The following SEMA5A variants were observed in gnomAD, a reference collection of about 807,000 sequenced individuals.
SEMA5A encodes the protein semaphorin 5A.
Under a neutral mutation model 135.5 loss-of-function variants are expected in SEMA5A, and 55 were observed. The observed-to-expected ratio is 0.41, with a 90% CI of 0.33 to 0.51. SEMA5A has a LOEUF of 0.51. SEMA5A is among the 20% of genes least tolerant of loss of function. The pLI, the probability that SEMA5A is intolerant of heterozygous loss-of-function variation, is 0.37. For missense variants in SEMA5A, 1,290 were observed against 1,419.9 expected (o/e 0.91, Z 1.47); for synonymous variants, 580 against 546.5 (o/e 1.06, Z -0.85).
At chr5:9,238,775 A>G (rs948288037) in intron 5 of SEMA5A, among the ~76,000 whole-genome samples, 1 of 151,430 alleles carries the variant, frequency 6.6e-6, no homozygotes, top group Non-Finnish European at 1.5e-5. Context: ...CATTCTCCAT[A>G]CCTGTTATCA....
At chr5:9,176,798 T>C (rs752032752) in intron 11 of SEMA5A, among the ~76,000 whole-genome samples, 5 of 152,200 alleles carry the variant, frequency 3.3e-5, no homozygotes, top group Non-Finnish European at 7.3e-5. Flanking sequence ...AGAAGTGGCC[T>C]AGCCTGTAGC....
intron 3 of SEMA5A, among the ~76,000 whole-genome samples, chr5:9,370,233 A>G (rs1169815628): frequency 6.6e-6 from 1 of 152,246 alleles, no homozygotes; most frequent in Non-Finnish European, 1.5e-5. Context: ...GAGAGCTGCC[A>G]TGAGCACTCT....
At chr5:9,154,816 A>T in intron 11 of SEMA5A, 121 bp from the exon 12 acceptor site, 2 of 849,794 alleles carry the variant, frequency 2.4e-6, no homozygotes, top group Non-Finnish European at 3.8e-6. Context: ...CCATCTGAGC[A>T]TCCTTCAAAA....
Position 9,398,486 on chromosome 5 carries a change from T to C in SEMA5A, c.-77-18463A>G, listed in dbSNP as rs529894740. Among the ~76,000 whole-genome samples, 4 of 152,316 alleles carry C rather than the reference T, an allele frequency of 2.6e-5. No individual in the cohort carries two copies. The South Asian group carries it at 8.3e-4, about 32-fold the overall frequency. The stretch of plus-strand genomic sequence containing the variant: ...AGTGGTTAATGGTGATTCTCACAGA[T>C]TGGAACAGAAAAGGTTATAGCAAGG... On this transcript the variant is annotated intron_variant, in intron 2 of 22. Transcript: ENST00000382496.
intron 1 of SEMA5A, among the ~76,000 whole-genome samples, chr5:9,487,367 G>C (rs919562805): frequency 1.3e-5 from 2 of 152,164 alleles, no homozygotes; most frequent in African/African-American, 4.8e-5. Flanking sequence ...GAAGGCCAGG[G>C]AGTTAAAACC....
At chr5:9,132,926 A>G (rs1365468265) in intron 13 of SEMA5A, among the ~76,000 whole-genome samples, 1 of 152,216 alleles carries the variant, frequency 6.6e-6, no homozygotes, top group African/African-American at 2.4e-5. Flanking sequence ...TACCTCTATG[A>G]TCTATATACG....
chr5:9,453,481 C>A (rs754550783), intron 1 of SEMA5A, among the ~76,000 whole-genome samples: 6 of 152,108 alleles, frequency 3.9e-5, no homozygotes, highest in Admixed American at 1.3e-4. Context: ...GGCTGGTATT[C>A]CTAAGTGCAG....
At chr5:9,363,936 G>A (rs751957387) in intron 3 of SEMA5A, among the ~76,000 whole-genome samples, 1 of 152,198 alleles carries the variant, frequency 6.6e-6, no homozygotes, top group East Asian at 1.9e-4. Flanking sequence ...GTAGGCAGGC[G>A]ATGAGGCAGG....
intron 2 of SEMA5A, among the ~76,000 whole-genome samples, chr5:9,415,389 CT>C (rs1358985732): frequency 6.6e-6 from 1 of 152,062 alleles, no homozygotes; most frequent in African/African-American, 2.4e-5. Context: ...GTGTTGGGGC[CT>C]TGGGGACGTA....
rs1561011214 is a variant in SEMA5A, at chr5:9,197,747, TGTG to T, written c.933-447_933-445del. ...AGCTGTTTGTGTGTGTGTGTGTGTG[TGTG>T]TGTGTGTGTGTGTGTGTGTGTGTGT... On this transcript the variant is annotated intron_variant, in intron 9 of 22. Coordinates refer to ENST00000382496, the MANE Select transcript of SEMA5A (RefSeq NM_003966.3). 2.5e-3 allele frequency among the ~76,000 whole-genome samples: 340 copies of T among 134,224 alleles called. 7 individuals are homozygous for T. The highest frequency in any genetic ancestry group is 4.4e-3 in the African/African-American group (155 of 35,418). 88.1% of individuals were successfully genotyped at this position (134,224 alleles called of 152,430 possible). A position where few individuals can be genotyped will look rare whatever the true frequency, so the allele number is the denominator to read the frequency against.
intron 3 of SEMA5A, among the ~76,000 whole-genome samples, chr5:9,372,929 A>T (rs888962607): frequency 3.3e-5 from 5 of 152,360 alleles, no homozygotes; most frequent in African/African-American, 1.2e-4. Context: ...CAGGAGGAGC[A>T]GGTGGCAGGC....
At chr5:9,182,660 A>T (rs553334255) in intron 11 of SEMA5A, among the ~76,000 whole-genome samples, 1 of 151,532 alleles carries the variant, frequency 6.6e-6, no homozygotes, top group South Asian at 2.1e-4. Flanking sequence ...GATGACTTCA[A>T]TAGCTTTGAC....
At chr5:9,054,055 G>T in intron 19 of SEMA5A, 32 bp downstream of exon 19, 1 of 1,574,050 alleles carries the variant, frequency 6.4e-7, no homozygotes, top group Non-Finnish European at 8.6e-7. Flanking sequence ...CAATTTGTCT[G>T]AAAGCTGTGC....
At chr5:9,322,360 A>G (rs1433441906) in intron 4 of SEMA5A, among the ~76,000 whole-genome samples, 3 of 152,008 alleles carry the variant, frequency 2.0e-5, no homozygotes, top group East Asian at 1.9e-4. Context: ...GAGGTATTCA[A>G]TAGGGGAAAG....
rs1474519745 is a variant in SEMA5A, at chr5:9,039,347, A to G, written c.*3550T>C. Reference sequence around the variant, plus strand: ...ATTTGCTTCTTTTCTATTTGCCATCACCTGTGACCCGATGGGGCCAGACCC... The same window carrying G: ...ATTTGCTTCTTTTCTATTTGCCATCGCCTGTGACCCGATGGGGCCAGACCC... On this transcript the variant is annotated 3_prime_UTR_variant, in exon 23 of 23. Transcript: ENST00000382496. 2 of 152,192 alleles carry G rather than the reference A, an allele frequency of 1.3e-5. No homozygotes were observed. The highest frequency in any genetic ancestry group is 3.9e-4 in the East Asian group (2 of 5,168). 9.4% of individuals were successfully genotyped at this position (152,192 alleles called of 1,614,324 possible).
chr5:9,227,576 A>T (rs1747383649), intron 6 of SEMA5A, among the ~76,000 whole-genome samples: 1 of 135,518 alleles, frequency 7.4e-6, no homozygotes. Flanking sequence ...TTTGAGACGG[A>T]GTCTCGCTCT....
chr5:9,088,014 G>A (rs1054223574), intron 16 of SEMA5A, among the ~76,000 whole-genome samples: 8 of 152,166 alleles, frequency 5.3e-5, no homozygotes, highest in Non-Finnish European at 7.4e-5. Context: ...GTGGCCGGGC[G>A]TGGTGGCTCA....
chr5:9,275,952 T>C (rs1395052440), intron 5 of SEMA5A, among the ~76,000 whole-genome samples: 1 of 152,176 alleles, frequency 6.6e-6, no homozygotes, highest in Non-Finnish European at 1.5e-5. Context: ...TATTGGAAGT[T>C]CTGGCCAGGG....
At chr5:9,396,058 G>A (rs770087236) in intron 2 of SEMA5A, among the ~76,000 whole-genome samples, 6 of 152,108 alleles carry the variant, frequency 3.9e-5, no homozygotes, top group Non-Finnish European at 7.4e-5. Context: ...AACTAATACC[G>A]TGTATCACAA....
Sources: allele counts gnomAD v4.1 joint callset (sites outside exome capture counted in the v4.1 genomes callset), GRCh38; gene constraint gnomAD v4.1.1; transcripts MANE v1.5; gene names NCBI Gene and HGNC (gene_info 2026-07-23, HGNC 2026-07-21).